The following EYS variants were observed in gnomAD, a reference collection of about 807,000 sequenced individuals.
The protein encoded by EYS is EGF-like photoreceptor maintenance factor, also known as protein eyes shut homolog.
A neutral mutation model predicts 282.1 loss-of-function variants in EYS; 250 were observed. The observed-to-expected ratio is 0.89, with a 90% CI of 0.80 to 0.98. EYS has a LOEUF of 0.98. Ranked by LOEUF, EYS falls within the 50% of genes least tolerant of loss-of-function variation. EYS has a pLI of 0.00. For missense variants in EYS, 4,016 were observed against 3,709.0 expected, an observed-to-expected ratio of 1.08 and a Z score of -2.15; for synonymous variants, 1,355 against 1,282.9, an observed-to-expected ratio of 1.06 and a Z score of -1.20.
At chr6:65,005,307 T>C (rs562974496) in intron 13 of EYS, among the ~76,000 whole-genome samples, 1 of 147,984 alleles carries the variant, frequency 6.8e-6, no homozygotes, top group Middle Eastern at 3.4e-3. Context: ...GTCACTGGGT[T>C]CCACGGTTCT....
At chr6:64,994,924 G>A (rs569334346) in intron 14 of EYS, among the ~76,000 whole-genome samples, 6 of 152,236 alleles carry the variant, frequency 3.9e-5, no homozygotes, top group Admixed American at 3.9e-4. Context: ...TCCATCGGAA[G>A]GACCGGCCCT....
At chr6:64,458,006 A>G (rs898342998) in intron 26 of EYS, among the ~76,000 whole-genome samples, 3 of 152,028 alleles carry the variant, frequency 2.0e-5, no homozygotes, top group Admixed American at 6.6e-5. Context: ...TTTTGTAGTT[A>G]TAATAGATTA....
intron 22 of EYS, among the ~76,000 whole-genome samples, chr6:64,670,523 G>A (rs1416862079): frequency 6.6e-6 from 1 of 151,952 alleles, no homozygotes; most frequent in Admixed American, 6.6e-5. Flanking sequence ...TATTATTATT[G>A]CATTCGCACA....
chr6:63,973,450 A>T (rs1389302512), intron 35 of EYS, among the ~76,000 whole-genome samples: 1 of 152,152 alleles, frequency 6.6e-6, no homozygotes, highest in East Asian at 1.9e-4. Context: ...TTTACATTTC[A>T]GATCCTAGGA....
At chr6:64,406,758 C>A (rs1464946551) in intron 28 of EYS, among the ~76,000 whole-genome samples, 2 of 152,132 alleles carry the variant, frequency 1.3e-5, no homozygotes, top group Non-Finnish European at 2.9e-5. Flanking sequence ...AATGAGATAC[C>A]ATCTCATGCC....
chr6:64,615,501 A>G (rs550584048), intron 24 of EYS, among the ~76,000 whole-genome samples: 6 of 151,892 alleles, frequency 4.0e-5, no homozygotes, highest in Non-Finnish European at 8.8e-5. Context: ...AGATTATTTT[A>G]TTTTCTGTTC....
At chr6:64,105,757 A>T (rs9362455) in intron 31 of EYS, among the ~76,000 whole-genome samples, 37,900 of 152,002 alleles carry the variant, frequency 0.25, 5,020 homozygotes, top group East Asian at 0.43. Context: ...CTTTCATGAC[A>T]TGATAGCTCA....
rs560940785 is a variant in EYS, at chr6:64,015,305, G to A, written c.6726-16122C>T. ...ATCTCATATAAAGAGAAAAATCACTGATGGTTAGAGACAATGGTTTGAATG... is the reference window on the plus strand; with the variant it reads ...ATCTCATATAAAGAGAAAAATCACTAATGGTTAGAGACAATGGTTTGAATG... On this transcript the variant is annotated intron_variant, in intron 33 of 42. Coordinates refer to ENST00000503581, the MANE Select transcript of EYS (RefSeq NM_001142800.2). Among the ~76,000 whole-genome samples the A allele has an allele frequency of 2.2e-4, 33 of 152,234 alleles. 1 individual carries two copies. Among genetic ancestry groups the A allele is most frequent in the Admixed American group, 5.9e-4 (9 of 15,286 alleles).
At position 63,806,323 on chromosome 6, in the gene EYS, G is replaced by GT. The variant is rs1303821903; in HGVS notation, c.7277dup (p.Tyr2426Ter). ...PRFSGTDAFG[Y>*]TSFLAYSRIS... The stretch of plus-strand genomic sequence containing the variant: ...TCCGTGAATAAGCCAGGAATGAGGT[G>GT]TATCCAAAGGCATCTGTGCCACTGA... Residue 2426 changes from tyrosine (Y) to a stop codon, truncating the protein, a stop_gained and frameshift_variant, in exon 37 of 43, where the codon TAC (tyrosine) becomes TAAC (stop). Transcript: ENST00000503581. LOFTEE classifies it high-confidence loss of function. The GT allele has an allele frequency of 6.4e-7, 1 of 1,551,044 alleles. No homozygotes were observed. The highest frequency in any genetic ancestry group is 8.7e-7 in the Non-Finnish European group (1 of 1,146,582).
At chr6:63,910,924 A>G (rs2149737734) in intron 35 of EYS, among the ~76,000 whole-genome samples, 1 of 152,314 alleles carries the variant, frequency 6.6e-6, no homozygotes, top group South Asian at 2.1e-4. Flanking sequence ...CATTAATTAA[A>G]TGAAGTGAAA....
intron 5 of EYS, among the ~76,000 whole-genome samples, chr6:65,408,235 T>C (rs756185092): frequency 6.6e-6 from 1 of 152,116 alleles, no homozygotes; most frequent in Non-Finnish European, 1.5e-5. Context: ...TCATAAGTGA[T>C]ATTGGTCTTT....
chr6:63,836,895 G>A (rs1008502480), intron 36 of EYS, among the ~76,000 whole-genome samples: 1 of 152,010 alleles, frequency 6.6e-6, no homozygotes, highest in African/African-American at 2.4e-5. Flanking sequence ...AGAACATAAA[G>A]ATAACTAAGA....
intron 22 of EYS, among the ~76,000 whole-genome samples, chr6:64,792,457 AC>A (rs1481558232): frequency 1.3e-5 from 2 of 151,994 alleles, no homozygotes; most frequent in African/African-American, 4.8e-5. Context: ...AAAAAATAGT[AC>A]CAAAATTATA....
intron 33 of EYS, among the ~76,000 whole-genome samples, chr6:64,007,160 G>T (rs1465699743): frequency 1.3e-5 from 2 of 152,122 alleles, no homozygotes; most frequent in Non-Finnish European, 2.9e-5. Flanking sequence ...TTCTATTACT[G>T]ATTCAACTTT....
intron 2 of EYS, among the ~76,000 whole-genome samples, chr6:65,517,208 T>C (rs978738811): frequency 2.0e-5 from 3 of 151,956 alleles, no homozygotes; most frequent in African/African-American, 7.2e-5. Context: ...TTATATTATT[T>C]TATTTTCCAT....
At chr6:64,333,515 T>A (rs1336284392) in intron 29 of EYS, among the ~76,000 whole-genome samples, 1 of 152,020 alleles carries the variant, frequency 6.6e-6, no homozygotes, top group Non-Finnish European at 1.5e-5. Flanking sequence ...ACAGGAAGGG[T>A]TGCTCTGTTT....
intron 24 of EYS, among the ~76,000 whole-genome samples, chr6:64,598,463 A>G (rs951053792): frequency 6.6e-6 from 1 of 151,916 alleles, no homozygotes; most frequent in Admixed American, 6.5e-5. Context: ...TCCGTCTCAA[A>G]AACAAACAAA....
At chr6:64,636,199 G>A (rs568063987) in intron 22 of EYS, among the ~76,000 whole-genome samples, 1 of 152,018 alleles carries the variant, frequency 6.6e-6, no homozygotes. Context: ...ATACTACAAG[G>A]CTACAGTAAC....
intron 26 of EYS, among the ~76,000 whole-genome samples, chr6:64,495,482 A>G (rs1304579577): frequency 6.6e-6 from 1 of 151,862 alleles, no homozygotes; most frequent in East Asian, 1.9e-4. Flanking sequence ...TGGAAGCTAA[A>G]GGGCATTCCA....
Sources: gnomAD v4.1 joint callset for allele counts (sites outside exome capture counted in the v4.1 genomes callset) on GRCh38, gnomAD v4.1.1 for gene constraint, MANE v1.5 for transcripts, NCBI Gene and HGNC (gene_info 2026-07-23, HGNC 2026-07-21) for gene names.